The following PRH1 variants were observed in gnomAD, a reference collection of about 807,000 sequenced individuals.
The protein encoded by PRH1 is salivary acidic proline-rich phosphoprotein 1/2.
Under a neutral mutation model 7.9 loss-of-function variants are expected in PRH1, and 7 were observed. The ratio of observed to expected loss-of-function variants is 0.89; its 90% CI spans 0.50 to 1.67. PRH1 has a LOEUF of 1.67. Among genes scored for constraint, PRH1 ranks in the 40% most tolerant of loss-of-function variants. The pLI, the probability that PRH1 is intolerant of heterozygous loss-of-function variation, is 0.00. For missense variants in PRH1, 109 were observed against 223.6 expected, an observed-to-expected ratio of 0.49 and a Z score of 3.27; for synonymous variants, 45 against 80.8, an observed-to-expected ratio of 0.56 and a Z score of 2.38.
intron 1 of PRH1, among the ~76,000 whole-genome samples, chr12:11,007,141 A>G (rs77205195): frequency 0.011 from 1,717 of 152,184 alleles, 39 homozygotes; most frequent in African/African-American, 0.039. Context: ...ATATGGATTT[A>G]TTTTTTAATG....
chr12:10,901,352 T>A (rs1472190794), intron 2 of PRH1, among the ~76,000 whole-genome samples: 2 of 152,062 alleles, frequency 1.3e-5, no homozygotes, highest in Non-Finnish European at 2.9e-5. Context: ...CTCTCCAATA[T>A]CCCTGTGCAA....
intron 2 of PRH1, among the ~76,000 whole-genome samples, chr12:10,910,034 AC>A (rs1949872568): frequency 6.6e-6 from 1 of 152,194 alleles, no homozygotes; most frequent in African/African-American, 2.4e-5. Context: ...TGATAAAAAA[AC>A]AAATTTTACA....
At chr12:11,035,788 A>G (rs1251566764) in intron 1 of PRH1, among the ~76,000 whole-genome samples, 4 of 152,212 alleles carry the variant, frequency 2.6e-5, no homozygotes, top group African/African-American at 7.2e-5. Flanking sequence ...GGCAAATTCA[A>G]TGAGCAGCAC....
intron 1 of PRH1, among the ~76,000 whole-genome samples, chr12:11,057,306 G>T (rs374336410): frequency 6.6e-6 from 1 of 152,282 alleles, no homozygotes; most frequent in East Asian, 1.9e-4. Flanking sequence ...CCTGCAGGGG[G>T]AGGTTTTGAA....
intron 1 of PRH1, among the ~76,000 whole-genome samples, chr12:10,990,726 G>A (rs1939893806): frequency 6.6e-6 from 1 of 152,144 alleles, no homozygotes; most frequent in Admixed American, 6.6e-5. Context: ...AATTATCTTG[G>A]CTAGGTATGG....
chr12:11,122,149 C>G (rs532481018), intron 1 of PRH1, among the ~76,000 whole-genome samples: 1 of 152,200 alleles, frequency 6.6e-6, no homozygotes, highest in African/African-American at 2.4e-5. Flanking sequence ...AATTAGTAGA[C>G]TTTACACAGA....
chr12:10,985,300 T>A (rs1939557830), intron 1 of PRH1, among the ~76,000 whole-genome samples: 1 of 152,150 alleles, frequency 6.6e-6, no homozygotes, highest in Non-Finnish European at 1.5e-5. Flanking sequence ...ATGGTAGACA[T>A]ATACAAAATG....
intron 2 of PRH1, among the ~76,000 whole-genome samples, chr12:10,953,609 T>A (rs778962041): frequency 7.2e-5 from 11 of 152,080 alleles, no homozygotes; most frequent in Non-Finnish European, 1.3e-4. Context: ...AATATAATAT[T>A]TTGTTAACAG....
intron 2 of PRH1, among the ~76,000 whole-genome samples, chr12:10,892,600 CATT>C (rs1301419466): frequency 7.2e-5 from 11 of 151,946 alleles, no homozygotes; most frequent in African/African-American, 2.4e-4. Flanking sequence ...TTGCTAAAAT[CATT>C]ATCAGAATAT....
intron 1 of PRH1, among the ~76,000 whole-genome samples, chr12:11,156,080 G>C (rs1275317721): frequency 3.3e-5 from 5 of 151,780 alleles, no homozygotes; most frequent in African/African-American, 9.7e-5. Flanking sequence ...ATTCCTTCTT[G>C]CATCTTCAAC....
intron 1 of PRH1, among the ~76,000 whole-genome samples, chr12:11,054,989 G>T (rs1382962164): frequency 2.3e-5 from 1 of 43,558 alleles, no homozygotes; most frequent in East Asian, 7.2e-4. Context: ...CCAGGTTCAT[G>T]CCATTCTCTT....
intron 1 of PRH1, among the ~76,000 whole-genome samples, chr12:11,053,098 T>C (rs1041205665): frequency 1.3e-5 from 2 of 152,296 alleles, no homozygotes; most frequent in Non-Finnish European, 2.9e-5. Context: ...TTAGCTTGTC[T>C]GTTGCTGGGT....
intron 1 of PRH1, among the ~76,000 whole-genome samples, chr12:11,100,121 T>G (rs1945192153): frequency 6.6e-6 from 1 of 152,190 alleles, no homozygotes; most frequent in Admixed American, 6.5e-5. Flanking sequence ...ACATTTCTCC[T>G]AATCAAAAAC....
At chr12:11,133,018 G>A in intron 1 of PRH1, 1 of 381,556 alleles carries the variant, frequency 2.6e-6, no homozygotes. Context: ...AAATAAACAT[G>A]GCTTCATAAT....
At chr12:11,103,984 CGT>C (rs1209650473) in intron 1 of PRH1, among the ~76,000 whole-genome samples, 13 of 151,912 alleles carry the variant, frequency 8.6e-5, no homozygotes, top group African/African-American at 3.1e-4. Context: ...GATAATCACA[CGT>C]GTTTAGATGG....
intron 1 of PRH1, among the ~76,000 whole-genome samples, chr12:11,029,740 C>T (rs967384679): frequency 6.6e-6 from 1 of 150,542 alleles, no homozygotes; most frequent in Non-Finnish European, 1.5e-5. Context: ...ATCTAATATT[C>T]CTCAGTACCG....
intron 2 of PRH1, chr12:10,931,247 T>TAAAC (rs1231868870): frequency 7.1e-7 from 1 of 1,411,930 alleles, no homozygotes; most frequent in African/African-American, 1.4e-5. Flanking sequence ...ATCTTGTTTT[T>TAAAC]AAACAATCTC....
intron 2 of PRH1, chr12:10,932,362 GA>G (rs1950226258): frequency 3.6e-6 from 1 of 277,984 alleles, no homozygotes; most frequent in African/African-American, 2.1e-5. Flanking sequence ...TGGGACTCTG[GA>G]ATCTGAGACC....
chr12:10,897,790 G>T (rs780450916), intron 2 of PRH1, among the ~76,000 whole-genome samples: 17 of 152,094 alleles, frequency 1.1e-4, no homozygotes, highest in Non-Finnish European at 1.8e-4. Flanking sequence ...CCACCACCAA[G>T]GGGGAAACTG....
Sources: gnomAD v4.1 joint callset for allele counts (sites outside exome capture counted in the v4.1 genomes callset) on GRCh38, gnomAD v4.1.1 for gene constraint, MANE v1.5 for transcripts, NCBI Gene and HGNC (gene_info 2026-07-23, HGNC 2026-07-21) for gene names.